FRAS1: variants seen among roughly 807,000 people sequenced by gnomAD.
FRAS1 encodes Fraser extracellular matrix complex subunit 1.
A neutral mutation model predicts 435.2 loss-of-function variants in FRAS1; 290 were observed. That is an observed-to-expected ratio of 0.67 (90% CI 0.61 to 0.73). The LOEUF (loss-of-function observed/expected upper bound fraction) is 0.73, where lower values mean the gene tolerates loss of function less well. FRAS1 is among the 30% of genes least tolerant of loss of function. The probability of loss-of-function intolerance (pLI) is 0.00; values close to 1 mark genes in which losing one functional copy is unlikely to be tolerated. For missense variants in FRAS1, 4,860 were observed against 5,001.5 expected, an observed-to-expected ratio of 0.97 and a Z score of 0.85; for synonymous variants, 1,800 against 1,851.0, an observed-to-expected ratio of 0.97 and a Z score of 0.71.
intron 27 of FRAS1, among the ~76,000 whole-genome samples, chr4:78,380,458 G>A (rs1352871309): frequency 1.3e-5 from 2 of 152,154 alleles, no homozygotes; most frequent in African/African-American, 4.8e-5. Flanking sequence ...TCCACATTAT[G>A]GAATTAATTG....
chr4:78,274,943 G>T (rs1560620163), intron 9 of FRAS1, among the ~76,000 whole-genome samples: 1 of 152,144 alleles, frequency 6.6e-6, no homozygotes, highest in Non-Finnish European at 1.5e-5. Flanking sequence ...TATTGTGTGG[G>T]AGTCTAAGTC....
At chr4:78,104,223 C>T (rs557089663) in intron 2 of FRAS1, among the ~76,000 whole-genome samples, 2 of 152,306 alleles carry the variant, frequency 1.3e-5, no homozygotes, top group African/African-American at 2.4e-5. Flanking sequence ...TGAGGTACTG[C>T]TGCTAATTTC....
intron 9 of FRAS1, among the ~76,000 whole-genome samples, chr4:78,275,496 T>G (rs1340805657): frequency 1.3e-5 from 2 of 152,210 alleles, no homozygotes; most frequent in South Asian, 2.1e-4. Flanking sequence ...AGGAGCTCTT[T>G]TAGGGCAGGC....
rs1377826768 is a variant in FRAS1, at chr4:78,540,903, G to A, written c.11818G>A (p.Glu3940Lys). ...GAAACAGAGGAAGAAGAAGCCCGCA[G>A]AGGACATTTTGGAAGAATATCCTCT... Reference protein sequence around the residue: ...CQKQRKKKPAEDILEEYPLNT... With the variant: ...CQKQRKKKPAKDILEEYPLNT... The change falls in exon 74 of 74, where the codon GAG becomes AAG. Residue 3940 changes from glutamate to lysine, a missense_variant. Glu to Lys is a moderately conservative substitution (Grantham distance 56). Transcript: ENST00000512123. 8 of 1,613,926 alleles carry A rather than the reference G, an allele frequency of 5.0e-6. No homozygotes were observed. The highest frequency in any genetic ancestry group is 6.8e-6 in the Non-Finnish European group (8 of 1,179,902).
intron 6 of FRAS1, among the ~76,000 whole-genome samples, chr4:78,259,488 G>A (rs1477577188): frequency 1.3e-5 from 2 of 151,268 alleles, no homozygotes; most frequent in Admixed American, 1.3e-4. Flanking sequence ...TGTGTTTTTT[G>A]GCTGCATAAA....
chr4:78,206,659 C>T (rs1026375267), intron 2 of FRAS1, among the ~76,000 whole-genome samples: 3 of 152,146 alleles, frequency 2.0e-5, no homozygotes, highest in African/African-American at 7.2e-5. Flanking sequence ...TTTTCTTTAT[C>T]AGGGTAACTG....
In FRAS1 at chr4:78,376,023, G is replaced by A. The variant is rs17003170; in HGVS notation, c.3292+144G>A. The A allele has an allele frequency of 7.3e-3, 6,418 of 881,168 alleles. 238 individuals are homozygous for A. The African/African-American group carries it at 0.08, about 11-fold the overall frequency. The allele number at this position is 881,168 out of a possible 1,614,324, so 54.6% of individuals were successfully genotyped here. On this transcript the variant is annotated intron_variant, in intron 26 of 73. Transcript: ENST00000512123. The stretch of plus-strand genomic sequence containing the variant: ...AACCCATGGTGCTACTAAGGAGTAA[G>A]GGACTCTTTATAGAATATGGAAAAT...
intron 47 of FRAS1, among the ~76,000 whole-genome samples, chr4:78,461,226 C>G (rs1719360309): frequency 6.6e-6 from 1 of 152,154 alleles, no homozygotes; most frequent in Non-Finnish European, 1.5e-5. Context: ...TTCTTTCCTA[C>G]TTGTCTAGAT....
chr4:78,181,786 G>A (rs1300478660), intron 2 of FRAS1: 1 of 1,611,550 alleles, frequency 6.2e-7, no homozygotes, highest in Non-Finnish European at 8.5e-7. Flanking sequence ...TGTCAACCAC[G>A]CCAACGCTGC....
At chr4:78,176,931 A>G (rs957041460) in intron 2 of FRAS1, among the ~76,000 whole-genome samples, 1 of 152,206 alleles carries the variant, frequency 6.6e-6, no homozygotes, top group Non-Finnish European at 1.5e-5. Context: ...TGGTCATCTT[A>G]TCTGTCCCAT....
At chr4:78,226,915 G>T (rs1422780396) in intron 2 of FRAS1, among the ~76,000 whole-genome samples, 2 of 151,864 alleles carry the variant, frequency 1.3e-5, no homozygotes, top group African/African-American at 4.8e-5. Context: ...ATTTTGTATT[G>T]ACTTATATTC....
chr4:78,089,703 A>T (rs1397797408), intron 2 of FRAS1, among the ~76,000 whole-genome samples: 3 of 152,220 alleles, frequency 2.0e-5, no homozygotes, highest in Admixed American at 6.5e-5. Flanking sequence ...AGAAATAAAT[A>T]AGAGGAAATA....
At chr4:78,466,095 A>T in intron 49 of FRAS1, 113 bp from the exon 50 acceptor site, 1 of 749,376 alleles carries the variant, frequency 1.3e-6, no homozygotes, top group Non-Finnish European at 2.3e-6. Context: ...TACAGTCCTT[A>T]CTTTATCAAT....
intron 2 of FRAS1, among the ~76,000 whole-genome samples, chr4:78,206,741 G>T (rs185601886): frequency 2.6e-4 from 39 of 152,270 alleles, no homozygotes; most frequent in African/African-American, 9.1e-4. Context: ...CATTCAGGGG[G>T]GCCTGGGGAA....
At chr4:78,532,198 C>A (rs545203377) in intron 70 of FRAS1, among the ~76,000 whole-genome samples, 2 of 152,268 alleles carry the variant, frequency 1.3e-5, no homozygotes, top group Non-Finnish European at 2.9e-5. Context: ...TGTTCTCCAG[C>A]CACCCTGGCT....
intron 38 of FRAS1, among the ~76,000 whole-genome samples, chr4:78,436,011 T>A (rs1578323092): frequency 6.6e-6 from 1 of 152,130 alleles, no homozygotes; most frequent in Non-Finnish European, 1.5e-5. Context: ...AAGGTCTAAC[T>A]ATAAAAGATT....
chr4:78,239,946 TACTA>T (rs1560597438), intron 3 of FRAS1, among the ~76,000 whole-genome samples: 3 of 152,356 alleles, frequency 2.0e-5, no homozygotes, highest in South Asian at 2.1e-4. Context: ...TTCTTTTTGA[TACTA>T]ACTACTATCT....
intron 2 of FRAS1, among the ~76,000 whole-genome samples, chr4:78,165,925 C>T (rs1052331956): frequency 1.3e-5 from 2 of 152,104 alleles, no homozygotes; most frequent in Admixed American, 6.6e-5. Flanking sequence ...TTGGTGGAAG[C>T]AAATCTCAAG....
intron 2 of FRAS1, chr4:78,181,161 G>C: frequency 6.3e-7 from 1 of 1,594,534 alleles, no homozygotes; most frequent in Non-Finnish European, 8.6e-7. Context: ...CCTTCATTTG[G>C]TTTTCAGATA....
Sources: allele counts gnomAD v4.1 joint callset (sites outside exome capture counted in the v4.1 genomes callset), GRCh38; gene constraint gnomAD v4.1.1; transcripts MANE v1.5; gene names NCBI Gene and HGNC (gene_info 2026-07-23, HGNC 2026-07-21).